SLC7A1: variants seen among roughly 807,000 people sequenced by gnomAD.
SLC7A1 encodes the protein high affinity cationic amino acid transporter 1.
Under a neutral mutation model 53.9 loss-of-function variants are expected in SLC7A1, and 10 were observed. The ratio of observed to expected loss-of-function variants is 0.19; its 90% confidence interval spans 0.11 to 0.31. SLC7A1 has a LOEUF of 0.31. SLC7A1 is among the 10% of genes least tolerant of loss of function. SLC7A1 has a pLI of 1.00. For missense variants in SLC7A1, 525 were observed against 827.2 expected, an observed-to-expected ratio of 0.63 and a Z score of 4.48; for synonymous variants, 342 against 338.7, an observed-to-expected ratio of 1.01 and a Z score of -0.11.
At chr13:29,520,253 C>G (rs575556084) in intron 8 of SLC7A1, among the ~76,000 whole-genome samples, 81 of 152,288 alleles carry the variant, frequency 5.3e-4, no homozygotes, top group African/African-American at 1.5e-3. Context: ...TAGGTACTCA[C>G]TATTGAACAG....
At chr13:29,551,405 C>T (rs1265208859) in intron 2 of SLC7A1, among the ~76,000 whole-genome samples, 3 of 152,188 alleles carry the variant, frequency 2.0e-5, no homozygotes, top group Non-Finnish European at 4.4e-5. Flanking sequence ...TGGCACCTGG[C>T]CTGATTCTCT....
intron 5 of SLC7A1, among the ~76,000 whole-genome samples, chr13:29,526,883 T>C (rs1421265102): frequency 1.3e-5 from 2 of 152,176 alleles, no homozygotes; most frequent in African/African-American, 2.4e-5. Context: ...AGGCACGTGC[T>C]GTGCTGCGCC....
At chr13:29,586,185 T>C (rs114907643) in intron 1 of SLC7A1, among the ~76,000 whole-genome samples, 3,503 of 152,342 alleles carry the variant, frequency 0.023, 127 homozygotes, top group African/African-American at 0.079. Context: ...AAATGGGGTA[T>C]GTATGTGTGC....
At chr13:29,538,616 AG>A (rs968963826) in intron 2 of SLC7A1, among the ~76,000 whole-genome samples, 3 of 152,266 alleles carry the variant, frequency 2.0e-5, no homozygotes, top group African/African-American at 7.2e-5. Flanking sequence ...CTGCAGGCTC[AG>A]GGAGTGATTT....
At chr13:29,555,154 C>T (rs1458074786) in intron 1 of SLC7A1, among the ~76,000 whole-genome samples, 1 of 150,410 alleles carries the variant, frequency 6.6e-6, no homozygotes, top group Non-Finnish European at 1.5e-5. Context: ...GTCAGGAGAT[C>T]GAGACCATCC....
chr13:29,537,317 C>T (rs546577426), intron 2 of SLC7A1, among the ~76,000 whole-genome samples: 2 of 152,320 alleles, frequency 1.3e-5, no homozygotes, highest in East Asian at 1.9e-4. Context: ...GTCTTTCCCC[C>T]AAAAACCCAC....
At chr13:29,522,591 G>C in intron 7 of SLC7A1, 135 bp from the exon 8 acceptor site, 2 of 809,968 alleles carry the variant, frequency 2.5e-6, no homozygotes, top group Non-Finnish European at 4.0e-6. Context: ...TCCACGCTGG[G>C]TGAGGCCTGT....
rs1285092485 is a variant in SLC7A1 at position 29,595,514 on chromosome 13, G to A, written c.-213C>T. 2 of 151,008 alleles carry A rather than the reference G, an allele frequency of 1.3e-5. No homozygotes were observed. The highest frequency in any genetic ancestry group is 2.4e-5 in the African/African-American group (1 of 41,136). The allele number at this position is 151,008 out of a possible 1,614,324, so 9.4% of individuals were successfully genotyped here. A position where few individuals can be genotyped will look rare whatever the true frequency, so the allele number is the denominator to read the frequency against. ...CGCTCGGCCGGCGAGACCGGGCGGGGCGGGGCGGGGCGGGGGCGCGGCGCG... is the reference window on the plus strand; with the variant it reads ...CGCTCGGCCGGCGAGACCGGGCGGGACGGGGCGGGGCGGGGGCGCGGCGCG... On this transcript the variant is annotated 5_prime_UTR_variant, in exon 1 of 13. Transcript: ENST00000380752.
intron 1 of SLC7A1, among the ~76,000 whole-genome samples, chr13:29,569,187 T>C (rs918088203): frequency 2.0e-5 from 3 of 152,076 alleles, no homozygotes; most frequent in Admixed American, 2.0e-4. Context: ...CCTGTATGCA[T>C]CCCGAGCTCT....
Position 29,550,301 on chromosome 13 carries a change from A to G in SLC7A1, c.-15+3460T>C, listed in dbSNP as rs146312203. Among the ~76,000 whole-genome samples, 977 of 152,358 alleles carry G rather than the reference A, an allele frequency of 6.4e-3. 6 individuals are homozygous for G. Among genetic ancestry groups the G allele is most frequent in the African/African-American group, 0.022 (916 of 41,586 alleles). On this transcript the variant is annotated intron_variant, in intron 2 of 12. Coordinates refer to ENST00000380752, the MANE Select transcript of SLC7A1 (RefSeq NM_003045.5). ...TCCATGCTGGCTGCAAGGGTAAATGAGTCCTGTGGGGCTGTGACCCTGTAG... is the reference window on the plus strand; with the variant it reads ...TCCATGCTGGCTGCAAGGGTAAATGGGTCCTGTGGGGCTGTGACCCTGTAG...
At chr13:29,563,511 G>A (rs1870847789) in intron 1 of SLC7A1, among the ~76,000 whole-genome samples, 1 of 152,232 alleles carries the variant, frequency 6.6e-6, no homozygotes, top group Non-Finnish European at 1.5e-5. Flanking sequence ...AACCAGATAG[G>A]AGAATAACTA....
At chr13:29,538,510 T>C (rs1028207964) in intron 2 of SLC7A1, among the ~76,000 whole-genome samples, 2 of 152,166 alleles carry the variant, frequency 1.3e-5, no homozygotes, top group Admixed American at 6.5e-5. Flanking sequence ...CAGGGATGCC[T>C]GCGGCTTCCT....
intron 7 of SLC7A1, among the ~76,000 whole-genome samples, 169 bp downstream of exon 7, chr13:29,523,097 C>T (rs1429167289): frequency 6.6e-6 from 1 of 152,112 alleles, no homozygotes; most frequent in African/African-American, 2.4e-5. Flanking sequence ...TACTGGCCAA[C>T]AAGGGAAAAG....
At chr13:29,538,252 A>G (rs1364867407) in intron 2 of SLC7A1, among the ~76,000 whole-genome samples, 1 of 152,176 alleles carries the variant, frequency 6.6e-6, no homozygotes. Flanking sequence ...ACAGGTAGGA[A>G]GGAAATGATA....
At chr13:29,579,942 T>C (rs1871572217) in intron 1 of SLC7A1, among the ~76,000 whole-genome samples, 2 of 152,174 alleles carry the variant, frequency 1.3e-5, no homozygotes, top group African/African-American at 4.8e-5. Context: ...ACCAGACCCA[T>C]TGTTCCTACT....
intron 2 of SLC7A1, among the ~76,000 whole-genome samples, chr13:29,546,508 G>A (rs1869929356): frequency 6.6e-6 from 1 of 152,124 alleles, no homozygotes; most frequent in Admixed American, 6.5e-5. Context: ...CGAGAGCAAA[G>A]CAGAGGGTTC....
chr13:29,520,130 TATCC>T (rs1343697835), intron 8 of SLC7A1, among the ~76,000 whole-genome samples: 2 of 152,020 alleles, frequency 1.3e-5, no homozygotes, highest in Admixed American at 1.3e-4. Context: ...TCCATCTATC[TATCC>T]ATCCATCCAT....
Position 29,532,916 on chromosome 13 carries a change from T to A in SLC7A1, c.437A>T (p.Glu146Val). The change falls in exon 4 of 13, where the codon GAG becomes GTG. Residue 146 changes from glutamate (E) to valine (V), a missense_variant. Physicochemically the swap from Glu to Val is moderately radical, Grantham distance 121. This residue lies in a region of SLC7A1 where 354 missense variants were observed against 587.5 expected (regional missense o/e 0.60). Transcript: ENST00000380752. ...FDELIGRPIG[E>V]FSRTHMTLNA... is the part of the protein sequence containing the mutation. ...CAGAGTCATGTGTGTCCGTGAGAAC[T>A]CCCCGATGGGTCTGCCTATCAGCTC... The A allele has an allele frequency of 6.2e-7, 1 of 1,614,120 alleles. No individual in the cohort carries two copies. Among genetic ancestry groups the A allele is most frequent in the South Asian group, 1.1e-5 (1 of 91,058 alleles).
chr13:29,583,308 A>G (rs1264038464), intron 1 of SLC7A1, among the ~76,000 whole-genome samples: 1 of 152,202 alleles, frequency 6.6e-6, no homozygotes, highest in East Asian at 1.9e-4. Context: ...ATGGGGCAGT[A>G]TTGCTTGCTC....
Sources: allele counts gnomAD v4.1 joint callset (sites outside exome capture counted in the v4.1 genomes callset), GRCh38; gene constraint gnomAD v4.1.1; regional missense constraint gnomAD v4.1.1; transcripts MANE v1.5; gene names NCBI Gene and HGNC (gene_info 2026-07-23, HGNC 2026-07-21).